LIMCH1: variants seen among roughly 807,000 people sequenced by gnomAD.
LIMCH1 encodes LIM and calponin homology domains-containing protein 1.
A neutral mutation model predicts 176.5 loss-of-function variants in LIMCH1; 113 were observed. The ratio of observed to expected loss-of-function variants is 0.64; its 90% CI spans 0.55 to 0.75. The LOEUF is 0.75. Ranked by LOEUF, LIMCH1 falls within the 30% of genes least tolerant of loss-of-function variation. The pLI is 0.00. For synonymous variants in LIMCH1, 619 were observed against 645.9 expected (o/e 0.96, Z 0.63); for missense variants, 1,674 against 1,814.9 (o/e 0.92, Z 1.41).
chr4:41,682,479 C>A lies in LIMCH1; in HGVS notation c.3845+19C>A. 1 of 1,608,096 alleles carries A rather than the reference C, an allele frequency of 6.2e-7. No individual in the cohort carries two copies. Among genetic ancestry groups the A allele is most frequent in the South Asian group, 1.1e-5 (1 of 89,842 alleles). On this transcript the variant is annotated intron_variant, in intron 26 of 31. Coordinates refer to ENST00000503057, the MANE Select transcript of LIMCH1 (RefSeq NM_001330672.2). The stretch of plus-strand genomic sequence containing the variant: ...AGGGCAGGTATGAGCCCATCCCAAG[C>A]CACCATGAAAATGTACAAAGCTGGG...
chr4:41,539,779 TC>T (rs2078387889), intron 1 of LIMCH1, among the ~76,000 whole-genome samples: 1 of 152,210 alleles, frequency 6.6e-6, no homozygotes, highest in Non-Finnish European at 1.5e-5. Context: ...GAAGAAGAAC[TC>T]ACTCTTGAGT....
At chr4:41,684,330 T>C in intron 26 of LIMCH1, 67 bp from the exon 27 acceptor site, 1 of 1,465,720 alleles carries the variant, frequency 6.8e-7, no homozygotes, top group South Asian at 1.4e-5. Flanking sequence ...CTTTAAGTTA[T>C]AGGACCAAGA....
chr4:41,597,293 C>T (rs1218335146), intron 1 of LIMCH1, among the ~76,000 whole-genome samples: 1 of 152,052 alleles, frequency 6.6e-6, no homozygotes, highest in Non-Finnish European at 1.5e-5. Context: ...TTAGATCACT[C>T]ATCTGCCAAA....
intron 1 of LIMCH1, among the ~76,000 whole-genome samples, chr4:41,466,547 G>T (rs945948048): frequency 1.3e-5 from 2 of 152,160 alleles, no homozygotes; most frequent in Non-Finnish European, 2.9e-5. Context: ...GAAACAGTTC[G>T]GTTCCTCAGC....
chr4:41,629,510 A>C lies in LIMCH1; in HGVS notation c.1047A>C (p.Glu349Asp). 1 of 1,536,086 alleles carries C rather than the reference A, an allele frequency of 6.5e-7. No individual in the cohort carries two copies. Among genetic ancestry groups the C allele is most frequent in the Non-Finnish European group, 8.7e-7 (1 of 1,146,890 alleles). The change falls in exon 9 of 32, where the codon GAA becomes GAC. Residue 349 changes from glutamate to aspartate, a missense_variant. Physicochemically the swap from Glu to Asp is conservative, Grantham distance 45. Around this residue, in one of 3 missense-constraint regions of LIMCH1, gnomAD observed 655 missense variants for 692.2 expected, o/e 0.95. Coordinates refer to ENST00000503057, the MANE Select transcript of LIMCH1 (RefSeq NM_001330672.2). Reference protein sequence around the residue: ...LEYKRNQGHTEEVKLIVTCNM... With the variant: ...LEYKRNQGHTDEVKLIVTCNM... ...TGGACAGAAACCAGGGCCACACAGA[A>C]GAGGTGAAGTTGATAGTGACCTGTA...
At chr4:41,476,011 G>T (rs1024901652) in intron 1 of LIMCH1, among the ~76,000 whole-genome samples, 1 of 152,020 alleles carries the variant, frequency 6.6e-6, no homozygotes, top group East Asian at 1.9e-4. Flanking sequence ...TTGCTCTGTC[G>T]CCCAGGCTGG....
At chr4:41,644,717 C>G in intron 15 of LIMCH1, 91 bp downstream of exon 15, 1 of 1,468,028 alleles carries the variant, frequency 6.8e-7, no homozygotes, top group Non-Finnish European at 9.2e-7. Flanking sequence ...GAAAGCCATG[C>G]GGGGAAAGGG....
intron 1 of LIMCH1, among the ~76,000 whole-genome samples, chr4:41,539,990 G>T (rs150794001): frequency 3.3e-4 from 50 of 152,280 alleles, no homozygotes; most frequent in African/African-American, 1.2e-3. Flanking sequence ...GGCTTCAGTT[G>T]GCCTTCTTAA....
At chr4:41,384,217 T>TG in intron 1 of LIMCH1, among the ~76,000 whole-genome samples, 1 of 151,920 alleles carries the variant, frequency 6.6e-6, no homozygotes, top group East Asian at 1.9e-4. Context: ...TTTCTTTTTT[T>TG]TTTTTGAGAC....
chr4:41,413,321 A>G (rs1324608325), intron 1 of LIMCH1, among the ~76,000 whole-genome samples: 1 of 151,726 alleles, frequency 6.6e-6, no homozygotes, highest in Non-Finnish European at 1.5e-5. Context: ...GAGCCATGAA[A>G]ATGTATCTAC....
chr4:41,565,414 C>CACAT (rs1561770393), intron 1 of LIMCH1, among the ~76,000 whole-genome samples: 1 of 147,702 alleles, frequency 6.8e-6, no homozygotes, highest in African/African-American at 2.5e-5. Context: ...CACACACACA[C>CACAT]ATATATATGA....
In LIMCH1 at chr4:41,646,144, C is replaced by G; in HGVS notation, c.2275C>G (p.Arg759Gly). Residue 759 changes from arginine to glycine, a missense_variant, in exon 16 of 32, where the codon CGT becomes GGT. This residue lies in a region of LIMCH1 where 1,015 missense variants were observed against 1,102.5 expected (regional missense o/e 0.92). Coordinates refer to ENST00000503057, the MANE Select transcript of LIMCH1 (RefSeq NM_001330672.2). The part of the protein sequence containing the change: ...WQDDLARWKS[R>G]RRSVSQDLIK... Reference sequence around the variant, plus strand: ...CCAGGACCTGGCTCGTTGGAAGAGTCGTAGAAGAAGTGTTTCTCAGGACTT... The same window carrying G: ...CCAGGACCTGGCTCGTTGGAAGAGTGGTAGAAGAAGTGTTTCTCAGGACTT... 1.2e-6 allele frequency: 2 copies of G among 1,611,766 alleles called. No individual in the cohort carries two copies. The highest frequency in any genetic ancestry group is 1.7e-6 in the Non-Finnish European group (2 of 1,179,512).
chr4:41,688,274 A>C (rs1722545335), intron 29 of LIMCH1, among the ~76,000 whole-genome samples: 1 of 152,224 alleles, frequency 6.6e-6, no homozygotes, highest in African/African-American at 2.4e-5. Context: ...GGATCCACTG[A>C]TGGCTCTTAC....
intron 1 of LIMCH1, among the ~76,000 whole-genome samples, chr4:41,482,955 T>C (rs2068895453): frequency 6.6e-6 from 1 of 152,184 alleles, no homozygotes; most frequent in African/African-American, 2.4e-5. Flanking sequence ...AGCTTGCAGA[T>C]GGCTGAGCTA....
chr4:41,626,033 GAA>G (rs1259810711), intron 7 of LIMCH1, among the ~76,000 whole-genome samples: 1 of 152,086 alleles, frequency 6.6e-6, no homozygotes, highest in Non-Finnish European at 1.5e-5. Flanking sequence ...AAAAGAAAAA[GAA>G]GAGAGGTGGA....
chr4:41,606,043 C>T (rs748990865), intron 4 of LIMCH1, 39 bp downstream of exon 4: 2 of 1,398,414 alleles, frequency 1.4e-6, no homozygotes, highest in Admixed American at 1.7e-5. Flanking sequence ...AAGCGTTAGA[C>T]AAGGTGGGAA....
At chr4:41,578,495 C>T (rs2084869491) in intron 1 of LIMCH1, among the ~76,000 whole-genome samples, 1 of 152,176 alleles carries the variant, frequency 6.6e-6, no homozygotes, top group Admixed American at 6.5e-5. Flanking sequence ...AACCAATTTA[C>T]ACCCTTGATA....
intron 2 of LIMCH1, among the ~76,000 whole-genome samples, chr4:41,600,116 T>C (rs2089652522): frequency 6.6e-6 from 1 of 152,140 alleles, no homozygotes; most frequent in South Asian, 2.1e-4. Flanking sequence ...ATGGGAGAGT[T>C]AGTAGTGATC....
chr4:41,519,949 T>C (rs1034279032), intron 2 of LIMCH1, among the ~76,000 whole-genome samples: 9 of 152,226 alleles, frequency 5.9e-5, no homozygotes, highest in Non-Finnish European at 8.8e-5. Flanking sequence ...CCAAATTCAC[T>C]GCCTCTTCCT....
Sources: gnomAD v4.1 joint callset for allele counts (sites outside exome capture counted in the v4.1 genomes callset) on GRCh38, gnomAD v4.1.1 for gene constraint, gnomAD v4.1.1 regional missense constraint, MANE v1.5 for transcripts, NCBI Gene and HGNC (gene_info 2026-07-23, HGNC 2026-07-21) for gene names.